The following CACNA1H variants were observed in gnomAD, a reference collection of about 807,000 sequenced individuals.
CACNA1H encodes the protein voltage-dependent T-type calcium channel subunit alpha-1H.
A neutral mutation model predicts 192.5 loss-of-function variants in CACNA1H; 149 were observed. That is an observed-to-expected ratio of 0.77 (90% CI 0.68 to 0.89). The LOEUF is 0.89. Ranked by LOEUF, CACNA1H falls within the 40% of genes least tolerant of loss-of-function variation. The pLI, the probability that CACNA1H is intolerant of heterozygous loss-of-function variation, is 0.00. For missense variants in CACNA1H, 4,257 were observed against 3,423.5 expected (o/e 1.24, Z -6.08); for synonymous variants, 2,202 against 1,475.2 (o/e 1.49, Z -11.29).
Position 1,207,799 on chromosome 16 carries a change from G to A in CACNA1H, c.3093G>A (p.Glu1031=). 2 of 1,603,294 alleles carry A rather than the reference G, an allele frequency of 1.2e-6. No homozygotes were observed. The highest frequency in any genetic ancestry group is 1.1e-5 in the South Asian group (1 of 89,066). ...EGDANRSDTD[E]DKTSVHFEED... is the part of the protein sequence containing the mutation. ...ATGCCAACAGATCCGACACGGACGA[G>A]GACAAGACGTCGGTCCACTTCGAGG... Residue 1031 remains glutamate, a synonymous_variant, in exon 15 of 35, where the codon GAG becomes GAA. Transcript: ENST00000348261.
At chr16:1,212,572 C>T (rs769654257) in intron 26 of CACNA1H, 44 bp downstream of exon 26, 15 of 1,594,582 alleles carry the variant, frequency 9.4e-6, no homozygotes, top group Middle Eastern at 1.7e-4. Context: ...CTTCTGCGGC[C>T]GCTGCTCGGG....
intron 2 of CACNA1H, among the ~76,000 whole-genome samples, chr16:1,194,171 C>T (rs560883935): frequency 4.7e-4 from 71 of 152,108 alleles, no homozygotes; most frequent in African/African-American, 1.6e-3. Context: ...GGGGTGGGGG[C>T]GGCCACCGGG....
chr16:1,197,693 T>G (rs1228968393), intron 5 of CACNA1H, among the ~76,000 whole-genome samples: 2 of 152,210 alleles, frequency 1.3e-5, no homozygotes, highest in Non-Finnish European at 2.9e-5. Context: ...GACACTTCAG[T>G]GCTCCTCCTG....
At chr16:1,194,626 C>G (rs944097083) in intron 2 of CACNA1H, among the ~76,000 whole-genome samples, 1 of 152,226 alleles carries the variant, frequency 6.6e-6, no homozygotes, top group African/African-American at 2.4e-5. Context: ...ATGTGGGCAG[C>G]TAGGCCCTGG....
chr16:1,214,631 G>C (rs970583690), intron 27 of CACNA1H, among the ~76,000 whole-genome samples: 1 of 152,206 alleles, frequency 6.6e-6, no homozygotes, highest in Non-Finnish European at 1.5e-5. Flanking sequence ...GACAGGGTGG[G>C]AGGTCAGGAC....
Position 1,220,390 on chromosome 16 carries a change from A to C in CACNA1H, c.6458A>C (p.Gln2153Pro), listed in dbSNP as rs1970387623. ...GACAAGCCGGGCCGGGCAGACGAGC[A>C]GTGGCGGCCCTCGGCGGAGCTGGGC... ...FLDKPGRADE[Q>P]WRPSAELGSG... The change falls in exon 35 of 35, where the codon CAG becomes CCG. Residue 2153 changes from glutamine to proline, a missense_variant. Transcript: ENST00000348261. 2.6e-6 allele frequency: 4 copies of C among 1,523,792 alleles called. No homozygotes were observed. In the African/African-American group the frequency reaches 4.3e-5, roughly 16 times the overall value. 94.4% of individuals were successfully genotyped at this position (1,523,792 alleles called of 1,614,324 possible).
chr16:1,191,774 C>T (rs373413488), intron 2 of CACNA1H, among the ~76,000 whole-genome samples: 4 of 65,452 alleles, frequency 6.1e-5, no homozygotes, highest in African/African-American at 2.7e-4. Context: ...TCTGACCCAG[C>T]AGGCTGGCCT....
rs199664795 is a variant in CACNA1H at position 1,200,278 on chromosome 16, C to G, written c.826C>G (p.Arg276Gly). 1.2e-6 allele frequency: 2 copies of G among 1,601,554 alleles called. No individual in the cohort carries two copies. The highest frequency in any genetic ancestry group is 3.4e-5 in the Admixed American group (2 of 58,734). Residue 276 changes from arginine (R) to glycine (G), a missense_variant, in exon 7 of 35, where the codon CGG becomes GGG. Physicochemically the swap from Arg to Gly is moderately radical, Grantham distance 125. Transcript: ENST00000348261. ...FVRNNNLTFL[R>G]PYYQTEEGEE... ...CAGGAACAACAACCTGACCTTCCTGCGGCCGTACTACCAGACGGAGGAGGG... is the reference window on the plus strand; with the variant it reads ...CAGGAACAACAACCTGACCTTCCTGGGGCCGTACTACCAGACGGAGGAGGG...
At chr16:1,164,117 A>G (rs1217192347) in intron 2 of CACNA1H, among the ~76,000 whole-genome samples, 2 of 152,210 alleles carry the variant, frequency 1.3e-5, no homozygotes, top group Non-Finnish European at 2.9e-5. Context: ...CCCAGAAGCC[A>G]CAGAAGCAAG....
At chr16:1,176,232 T>G (rs1354896966) in intron 2 of CACNA1H, among the ~76,000 whole-genome samples, 7 of 152,232 alleles carry the variant, frequency 4.6e-5, no homozygotes, top group Admixed American at 1.3e-4. Context: ...CTGCCCTGAC[T>G]GTCGGTTCTG....
chr16:1,155,011 C>T (rs941956562), intron 2 of CACNA1H, among the ~76,000 whole-genome samples: 1 of 152,182 alleles, frequency 6.6e-6, no homozygotes, highest in Non-Finnish European at 1.5e-5. Context: ...GAGACCCTGC[C>T]CGCAGACGTC....
chr16:1,197,961 T>G (rs969598062), intron 5 of CACNA1H, among the ~76,000 whole-genome samples: 1 of 152,110 alleles, frequency 6.6e-6, no homozygotes, highest in African/African-American at 2.4e-5. Context: ...GACCGATGGC[T>G]TCAGTGCTAC....
At position 1,212,107 on chromosome 16, in the gene CACNA1H, G is replaced by A. The variant is rs755610106; in HGVS notation, c.4728G>A (p.Lys1576=). The A allele has an allele frequency of 5.6e-6, 9 of 1,609,798 alleles. No individual in the cohort carries two copies. In the Admixed American group the frequency reaches 6.7e-5, roughly 12 times the overall value. Residue 1576 remains lysine, a synonymous_variant, in exon 25 of 35, where the codon AAG becomes AAA. Coordinates refer to ENST00000348261, the MANE Select transcript of CACNA1H (RefSeq NM_021098.3). ...AGGAGGCGCGGCGGCGAGAGGAGAA[G>A]CGGCTGCGGCGCCTAGAGAGGAGGC... ...EAEEARRREE[K]RLRRLERRRR... is the part of the protein sequence containing the mutation.
chr16:1,213,233 C>G (rs1053325343), intron 26 of CACNA1H, among the ~76,000 whole-genome samples: 1 of 152,234 alleles, frequency 6.6e-6, no homozygotes, highest in Non-Finnish European at 1.5e-5. Context: ...AGGTTACACT[C>G]TCGTCTCTGC....
chr16:1,210,010 G>C (rs767117879), intron 17 of CACNA1H, 25 bp from the exon 18 acceptor site: 50 of 1,535,288 alleles, frequency 3.3e-5, no homozygotes, highest in Non-Finnish European at 4.2e-5. Flanking sequence ...CGCAGGCTCT[G>C]AGAAGCCGCC....
chr16:1,154,091 G>GC, intron 2 of CACNA1H, 55 bp downstream of exon 2: 1 of 225,204 alleles, frequency 4.4e-6, no homozygotes, highest in Non-Finnish European at 8.2e-6. Context: ...GAGGGTGGGG[G>GC]CCCGGGGCGC....
rs1450597988 is a variant in CACNA1H at position 1,219,092 on chromosome 16, G to A, written c.6010G>A (p.Ala2004Thr). ...PLHALSPRGT[A>T]RSPSLSRLLC... ...CCACGCCCTGTCCCCTCGGGGCACA[G>A]CCCGCTCCCCCAGTCTCAGCCGGCT... is the stretch of plus-strand genomic sequence containing the variant. The change falls in exon 34 of 35, where the codon GCC becomes ACC. Residue 2004 changes from alanine to threonine, a missense_variant. By Grantham distance (58) the Ala-to-Thr change is moderately conservative. Transcript: ENST00000348261. 2 of 1,548,104 alleles carry A rather than the reference G, an allele frequency of 1.3e-6. No homozygotes were observed. Among genetic ancestry groups the A allele is most frequent in the Non-Finnish European group, 1.7e-6 (2 of 1,145,872 alleles).
At chr16:1,211,879 G>C (rs1969490316) in intron 24 of CACNA1H, 67 bp from the exon 25 acceptor site, 1 of 1,609,242 alleles carries the variant, frequency 6.2e-7, no homozygotes, top group Non-Finnish European at 8.5e-7. Flanking sequence ...TGGGGACTCG[G>C]GGGGCCATCC....
chr16:1,204,954 GGGCCCC>G, intron 10 of CACNA1H, among the ~76,000 whole-genome samples, 154 bp from the exon 11 acceptor site: 1 of 19,986 alleles, frequency 5.0e-5, no homozygotes, highest in Non-Finnish European at 1.1e-4. Flanking sequence ...CCGCGGGTGG[GGGCCCC>G]GATCAGTGCC....
Sources: allele counts gnomAD v4.1 joint callset (sites outside exome capture counted in the v4.1 genomes callset), GRCh38; gene constraint gnomAD v4.1.1; transcripts MANE v1.5; gene names NCBI Gene and HGNC (gene_info 2026-07-23, HGNC 2026-07-21).